COL12A1: variants seen among roughly 807,000 people sequenced by gnomAD.
COL12A1 encodes collagen alpha-1(XII) chain.
Under a neutral mutation model 349.7 loss-of-function variants are expected in COL12A1, and 114 were observed. The observed-to-expected ratio is 0.33, with a 90% CI of 0.28 to 0.38. The LOEUF is 0.38. Ranked by LOEUF, COL12A1 falls within the 10% of genes least tolerant of loss-of-function variation. The probability of loss-of-function intolerance (pLI) is 1.00; values close to 1 mark genes in which losing one functional copy is unlikely to be tolerated. For synonymous variants in COL12A1, 1,369 were observed against 1,329.0 expected (o/e 1.03, Z -0.66); for missense variants, 3,284 against 3,756.9 (o/e 0.87, Z 3.29).
chr6:75,150,149 T>C (rs1416350529), intron 21 of COL12A1, among the ~76,000 whole-genome samples: 1 of 152,150 alleles, frequency 6.6e-6, no homozygotes, highest in Non-Finnish European at 1.5e-5. Flanking sequence ...CAAATTAAAT[T>C]AATGAAGGAC....
At chr6:75,097,444 T>C (rs570739597) in intron 58 of COL12A1, 138 bp from the exon 59 acceptor site, 15 of 533,902 alleles carry the variant, frequency 2.8e-5, no homozygotes, top group Middle Eastern at 3.2e-4. Context: ...AAGCTTTCAA[T>C]AAAAAGACAA....
At position 75,165,757 on chromosome 6, in the gene COL12A1, T is replaced by A; in HGVS notation, c.2733A>T (p.Leu911Phe). Residue 911 changes from leucine (L) to phenylalanine (F), a missense_variant, in exon 14 of 66, where the codon TTA (leucine) becomes TTT (phenylalanine). Around this residue, in one of 2 missense-constraint regions of COL12A1, gnomAD observed 2,601 missense variants for 2,824.8 expected, o/e 0.92. Coordinates refer to ENST00000322507, the MANE Select transcript of COL12A1 (RefSeq NM_004370.6). ...TLEERGSPQD[L>F]VTKDITDTSI... ...ATGTGTCAGTGATGTCTTTAGTAAC[T>A]AAATCTTGAGGAGAACCACGTTCTA... 1.9e-6 allele frequency: 3 copies of A among 1,613,842 alleles called. No homozygotes were observed. Among genetic ancestry groups the A allele is most frequent in the Non-Finnish European group, 2.5e-6 (3 of 1,179,820 alleles).
intron 64 of COL12A1, among the ~76,000 whole-genome samples, chr6:75,088,558 A>C (rs1767611936): frequency 6.6e-6 from 1 of 152,070 alleles, no homozygotes; most frequent in African/African-American, 2.4e-5. Context: ...GTGTCACTAA[A>C]ATTCATTTCA....
chr6:75,104,093 T>C (rs916592397), intron 54 of COL12A1, among the ~76,000 whole-genome samples: 4 of 152,152 alleles, frequency 2.6e-5, no homozygotes, highest in African/African-American at 9.7e-5. Flanking sequence ...TTGTGTACAA[T>C]AAAGAGAAAA....
chr6:75,200,296 G>A (rs575870583), intron 2 of COL12A1, among the ~76,000 whole-genome samples: 2 of 152,220 alleles, frequency 1.3e-5, no homozygotes, highest in African/African-American at 4.8e-5. Flanking sequence ...TGGCCAGTAC[G>A]AAATAAACTG....
chr6:75,108,272 G>A (rs1768666379), intron 52 of COL12A1, among the ~76,000 whole-genome samples: 1 of 151,128 alleles, frequency 6.6e-6, no homozygotes, highest in Non-Finnish European at 1.5e-5. Context: ...CTTTTTTATA[G>A]AGACAGGGTC....
At position 75,188,488 on chromosome 6, in the gene COL12A1, G is replaced by T. The variant is rs1319038184; in HGVS notation, c.871C>A (p.Pro291Thr). 3 of 1,613,466 alleles carry T rather than the reference G, an allele frequency of 1.9e-6. No homozygotes were observed. Among genetic ancestry groups the T allele is most frequent in the Admixed American group, 1.7e-5 (1 of 59,960 alleles). Residue 291 changes from proline to threonine, a missense_variant, in exon 8 of 66, where the codon CCT becomes ACT. By Grantham distance (38) the Pro-to-Thr change is conservative. This residue lies in a region of COL12A1 where 2,601 missense variants were observed against 2,824.8 expected (regional missense o/e 0.92). Transcript: ENST00000322507. ...ACATTGAAAACATGGTTCAGTGAAG[G>T]TGTGGAGGCAATTTGTTTGAGTTCT... is the stretch of plus-strand genomic sequence containing the variant. ...AKELKQIAST[P>T]SLNHVFNVAN...
chr6:75,113,423 C>G, intron 50 of COL12A1, 110 bp from the exon 51 acceptor site: 6 of 968,456 alleles, frequency 6.2e-6, no homozygotes, highest in Non-Finnish European at 8.6e-6. Flanking sequence ...ATAATAATTT[C>G]AGTTATGATA....
rs946004106 is a variant in COL12A1 at position 75,165,513 on chromosome 6, T to C, written c.2977A>G (p.Thr993Ala). The C allele has an allele frequency of 5.0e-6, 8 of 1,613,224 alleles. No homozygotes were observed. The highest frequency in any genetic ancestry group is 1.7e-5 in the Admixed American group (1 of 59,978). Residue 993 changes from threonine (T) to alanine (A), a missense_variant, in exon 14 of 66, where the codon ACT (threonine) becomes GCT (alanine). Physicochemically the swap from Thr to Ala is moderately conservative, Grantham distance 58. Transcript: ENST00000322507. ...CACCCATAATGTTACCTACATTCAG[T>C]TGTGGCATCTCCAGTCAAAGGTTCT... ...EGEPLTGDAT[T>A]ELSQDSKTLK...
chr6:75,095,226 T>TC lies in COL12A1; in HGVS notation c.8578-48dup, dbSNP rs768208749. The TC allele has an allele frequency of 3.2e-5, 47 of 1,458,500 alleles. No individual in the cohort carries two copies. The East Asian group carries it at 1.0e-3, about 31-fold the overall frequency. 90.3% of individuals were successfully genotyped at this position (1,458,500 alleles called of 1,614,324 possible). On this transcript the variant is annotated intron_variant, in intron 59 of 65. Transcript: ENST00000322507. ...GGGGACTGTTATGACAAAGGGAAAATCCCATCTAAAGTAAATGAATACAGC... is the reference window on the plus strand; with the variant it reads ...GGGGACTGTTATGACAAAGGGAAAATCCCCATCTAAAGTAAATGAATACAGC...
In COL12A1 at chr6:75,121,345, T is replaced by C. The variant is rs1765717770; in HGVS notation, c.7043A>G (p.Asn2348Ser). 1.9e-6 allele frequency: 3 copies of C among 1,612,276 alleles called. No homozygotes were observed. Among genetic ancestry groups the C allele is most frequent in the African/African-American group, 1.3e-5 (1 of 74,886 alleles). Residue 2348 changes from asparagine (N) to serine (S), a missense_variant, in exon 44 of 66, where the codon AAT becomes AGT. Physicochemically the swap from Asn to Ser is conservative, Grantham distance 46 (BLOSUM62 1). Around this residue, in one of 2 missense-constraint regions of COL12A1, gnomAD observed 683 missense variants for 932.1 expected, o/e 0.73. Transcript: ENST00000322507. ...GATTTCATCAAAGCCTCCCACAGTA[T>C]TGAAGATGAATTTTACAACTTTGTT... ...NFNKVVKFIF[N>S]TVGGFDEISP...
At chr6:75,181,604 C>T (rs1350102762) in intron 10 of COL12A1, among the ~76,000 whole-genome samples, 2 of 152,140 alleles carry the variant, frequency 1.3e-5, no homozygotes, top group Admixed American at 6.5e-5. Context: ...GGATATTAAC[C>T]TTTGGTGGTT....
chr6:75,093,867 A>T (rs1219620807), intron 60 of COL12A1, among the ~76,000 whole-genome samples: 1 of 152,182 alleles, frequency 6.6e-6, no homozygotes. Context: ...AGCTACAGCC[A>T]TCAATTATAT....
intron 58 of COL12A1, among the ~76,000 whole-genome samples, chr6:75,097,657 T>G (rs572908450): frequency 3.7e-4 from 56 of 152,268 alleles, no homozygotes; most frequent in Admixed American, 1.2e-3. Flanking sequence ...TAAAGAAGTC[T>G]AAAGGAAGAT....
rs79196758 is a variant in COL12A1 at position 75,116,768 on chromosome 6, C to G, written c.7519+614G>C. ...AGGGGTCTGGACTAGCCACAGACCC[C>G]TGATCAATTATGTAGGATAAATTGC... On this transcript the variant is annotated intron_variant, in intron 47 of 65. Transcript: ENST00000322507. 7.2e-3 allele frequency among the ~76,000 whole-genome samples: 1,103 copies of G among 152,194 alleles called. 18 individuals are homozygous for G. The highest frequency in any genetic ancestry group is 0.025 in the African/African-American group (1,036 of 41,524).
Position 75,188,458 on chromosome 6 carries a change from T to C in COL12A1, c.901A>G (p.Asn301Asp). ...PSLNHVFNVA[N>D]FDAIVDIQNE... ...TGAATATCCACAATTGCATCAAAGTTGGCCACATTGAAAACATGGTTCAGT... is the reference window on the plus strand; with the variant it reads ...TGAATATCCACAATTGCATCAAAGTCGGCCACATTGAAAACATGGTTCAGT... The change falls in exon 8 of 66, where the codon AAC becomes GAC. Residue 301 changes from asparagine (N) to aspartate (D), a missense_variant. This residue lies in a region of COL12A1 where 2,601 missense variants were observed against 2,824.8 expected (regional missense o/e 0.92). Coordinates refer to ENST00000322507, the MANE Select transcript of COL12A1 (RefSeq NM_004370.6). 6.2e-7 allele frequency: 1 copy of C among 1,613,632 alleles called. No individual in the cohort carries two copies. The highest frequency in any genetic ancestry group is 8.5e-7 in the Non-Finnish European group (1 of 1,179,654).
intron 43 of COL12A1, 69 bp downstream of exon 43, chr6:75,123,261 C>T (rs558110144): frequency 2.4e-6 from 3 of 1,238,638 alleles, no homozygotes; most frequent in South Asian, 2.5e-5. Flanking sequence ...AAATGATGCA[C>T]ATGCAGCGTA....
At chr6:75,202,395 G>C (rs1274725827) in intron 2 of COL12A1, among the ~76,000 whole-genome samples, 1 of 152,230 alleles carries the variant, frequency 6.6e-6, no homozygotes, top group African/African-American at 2.4e-5. Context: ...GCGCTGATTA[G>C]AGCCGTCGCC....
chr6:75,201,884 A>G (rs1770546486), intron 2 of COL12A1, among the ~76,000 whole-genome samples: 1 of 152,130 alleles, frequency 6.6e-6, no homozygotes, highest in Non-Finnish European at 1.5e-5. Context: ...TTGGAAACCC[A>G]TCTCGGAGCG....
Sources: allele counts gnomAD v4.1 joint callset (sites outside exome capture counted in the v4.1 genomes callset), GRCh38; gene constraint gnomAD v4.1.1; regional missense constraint gnomAD v4.1.1; transcripts MANE v1.5; gene names NCBI Gene and HGNC (gene_info 2026-07-23, HGNC 2026-07-21).